Variants in CTNND2 observed in about 807,000 individuals in gnomAD.
CTNND2 encodes the protein catenin delta-2.
CTNND2 carries 22 observed loss-of-function variants against 144.4 expected under a neutral mutation model. The ratio of observed to expected loss-of-function variants is 0.15; its 90% CI spans 0.11 to 0.22. The LOEUF is 0.22. CTNND2 is among the 10% of genes least tolerant of loss of function. The pLI, the probability that CTNND2 is intolerant of heterozygous loss-of-function variation, is 1.00. For synonymous variants in CTNND2, 751 were observed against 695.6 expected, an observed-to-expected ratio of 1.08 and a Z score of -1.25; for missense variants, 1,353 against 1,618.8, an observed-to-expected ratio of 0.84 and a Z score of 2.82.
intron 12 of CTNND2, among the ~76,000 whole-genome samples, chr5:11,119,739 G>A (rs954902533): frequency 5.9e-5 from 9 of 152,144 alleles, no homozygotes; most frequent in Non-Finnish European, 1.2e-4. Context: ...ATTATGTTTC[G>A]CTCTTTAGCG....
intron 9 of CTNND2, among the ~76,000 whole-genome samples, chr5:11,262,689 G>A (rs1744997426): frequency 6.8e-6 from 1 of 146,306 alleles, no homozygotes; most frequent in Non-Finnish European, 1.5e-5. Flanking sequence ...GTGAACCCAG[G>A]AGGCAGAGGT....
intron 11 of CTNND2, among the ~76,000 whole-genome samples, chr5:11,162,018 C>T (rs959055865): frequency 6.6e-5 from 10 of 151,872 alleles, no homozygotes; most frequent in African/African-American, 2.2e-4. Context: ...GGTGTGGTGG[C>T]GTGTGCTTAT....
At chr5:11,866,298 G>A (rs1315186671) in intron 1 of CTNND2, among the ~76,000 whole-genome samples, 2 of 152,118 alleles carry the variant, frequency 1.3e-5, no homozygotes, top group Admixed American at 6.5e-5. Flanking sequence ...GCCAGACGTT[G>A]TCTCTAAAAA....
intron 2 of CTNND2, among the ~76,000 whole-genome samples, chr5:11,623,710 C>A (rs972636637): frequency 1.3e-5 from 2 of 148,504 alleles, no homozygotes; most frequent in African/African-American, 5.0e-5. Flanking sequence ...AGACTTTAAA[C>A]CAACATAGAT....
chr5:11,407,580 T>C (rs1433529202), intron 5 of CTNND2, among the ~76,000 whole-genome samples: 1 of 152,198 alleles, frequency 6.6e-6, no homozygotes, highest in Non-Finnish European at 1.5e-5. Context: ...TTAAGAACTA[T>C]GCGATCATGG....
At chr5:11,495,575 G>A (rs185529863) in intron 3 of CTNND2, among the ~76,000 whole-genome samples, 13 of 152,234 alleles carry the variant, frequency 8.5e-5, no homozygotes, top group African/African-American at 2.4e-4. Context: ...TACAAGCTGA[G>A]ACCATCACTT....
chr5:11,873,314 G>T (rs1365718002), intron 1 of CTNND2, among the ~76,000 whole-genome samples: 1 of 152,114 alleles, frequency 6.6e-6, no homozygotes, highest in Non-Finnish European at 1.5e-5. Flanking sequence ...GACTCAAATT[G>T]ATACTAAAAG....
intron 3 of CTNND2, among the ~76,000 whole-genome samples, chr5:11,548,645 C>A (rs1246801355): frequency 1.3e-5 from 2 of 152,088 alleles, no homozygotes; most frequent in Admixed American, 1.3e-4. Context: ...TGGTTTTGTA[C>A]TTTTCTGACA....
intron 1 of CTNND2, among the ~76,000 whole-genome samples, chr5:11,854,477 A>ATAT (rs1229816593): frequency 2.6e-5 from 4 of 152,192 alleles, no homozygotes; most frequent in Non-Finnish European, 5.9e-5. Context: ...ATATTTATTT[A>ATAT]CTTTATAAAT....
intron 12 of CTNND2, among the ~76,000 whole-genome samples, chr5:11,147,599 T>C (rs749193256): frequency 6.6e-6 from 1 of 151,568 alleles, no homozygotes; most frequent in Non-Finnish European, 1.5e-5. Flanking sequence ...GTGTAGAGCC[T>C]TTCTCCTAAG....
intron 16 of CTNND2, among the ~76,000 whole-genome samples, chr5:11,057,964 G>A (rs1746513657): frequency 6.6e-6 from 1 of 152,208 alleles, no homozygotes; most frequent in Admixed American, 6.5e-5. Flanking sequence ...TTGAACATAA[G>A]AGAGATGATT....
chr5:11,085,169 G>A (rs1750000657), intron 15 of CTNND2, among the ~76,000 whole-genome samples: 1 of 152,196 alleles, frequency 6.6e-6, no homozygotes, highest in South Asian at 2.1e-4. Flanking sequence ...ATTGATTTGA[G>A]AGCAACAATA....
At chr5:11,567,487 C>T (rs1405110232) in intron 2 of CTNND2, among the ~76,000 whole-genome samples, 1 of 152,142 alleles carries the variant, frequency 6.6e-6, no homozygotes, top group Non-Finnish European at 1.5e-5. Context: ...GCATTTTAGG[C>T]CACTTGGAAT....
intron 9 of CTNND2, among the ~76,000 whole-genome samples, chr5:11,273,787 T>C (rs980505900): frequency 2.6e-5 from 4 of 152,200 alleles, no homozygotes; most frequent in Non-Finnish European, 2.9e-5. Context: ...TAGGTTGACA[T>C]GAAGCAGCGT....
chr5:11,004,425 G>A (rs879020909), intron 18 of CTNND2, among the ~76,000 whole-genome samples: 1 of 152,138 alleles, frequency 6.6e-6, no homozygotes, highest in Non-Finnish European at 1.5e-5. Context: ...CGATGTTTAC[G>A]CTGGGTCTCA....
chr5:11,038,101 C>T (rs921348206), intron 16 of CTNND2, among the ~76,000 whole-genome samples: 4 of 152,120 alleles, frequency 2.6e-5, no homozygotes, highest in Admixed American at 1.3e-4. Context: ...ACATGACAAG[C>T]TCATTTAAAA....
chr5:11,880,926 CACT>C lies in CTNND2; in HGVS notation c.37+22888_37+22890del, dbSNP rs201962712. On this transcript the variant is annotated intron_variant, in intron 1 of 21. Coordinates refer to ENST00000304623, the MANE Select transcript of CTNND2 (RefSeq NM_001332.4). Reference sequence around the variant, plus strand: ...CTACTACTACCACCACTACTACTACCACTACTACTGCTACTAATACTACTACTA... The same window carrying C: ...CTACTACTACCACCACTACTACTACCACTACTGCTACTAATACTACTACTA... Among the ~76,000 whole-genome samples the C allele has an allele frequency of 5.5e-3, 681 of 124,110 alleles. 6 individuals are homozygous for C. Among genetic ancestry groups the C allele is most frequent in the African/African-American group, 0.02 (638 of 32,520 alleles). 81.4% of individuals were successfully genotyped at this position (124,110 alleles called of 152,430 possible). A position where few individuals can be genotyped will look rare whatever the true frequency, so the allele number is the denominator to read the frequency against.
rs941160722 is a variant in CTNND2 at position 11,384,047 on chromosome 5, G to A, written c.1177+618C>T. 3.9e-5 allele frequency among the ~76,000 whole-genome samples: 6 copies of A among 152,080 alleles called. No individual in the cohort carries two copies. Among genetic ancestry groups the A allele is most frequent in the African/African-American group, 1.2e-4 (5 of 41,400 alleles). On this transcript the variant is annotated intron_variant, in intron 7 of 21. Coordinates refer to ENST00000304623, the MANE Select transcript of CTNND2 (RefSeq NM_001332.4). This position sits in a 1 kb window ranked among gnomAD's most constrained non-coding sequence, Gnocchi z 5.2. ...GGACTTCATCATTGCTAACTTTGTC[G>A]CAAATGTTAGGACCCAAGTACATCC...
intron 2 of CTNND2, among the ~76,000 whole-genome samples, chr5:11,625,809 C>G (rs937113357): frequency 2.0e-5 from 3 of 152,006 alleles, no homozygotes; most frequent in Admixed American, 1.3e-4. Context: ...TTTGAATGAA[C>G]TCTTCAATCA....
Sources: gnomAD v4.1 joint callset for allele counts (sites outside exome capture counted in the v4.1 genomes callset) on GRCh38, gnomAD v4.1.1 for gene constraint, Gnocchi (gnomAD v3.1) non-coding constraint, MANE v1.5 for transcripts, NCBI Gene and HGNC (gene_info 2026-07-23, HGNC 2026-07-21) for gene names.